DNAH14: variants seen among roughly 807,000 people sequenced by gnomAD.
DNAH14 encodes the protein dynein axonemal heavy chain 14, also known as axonemal beta dynein heavy chain 14.
Under a neutral mutation model 520.9 loss-of-function variants are expected in DNAH14, and 478 were observed. That is an observed-to-expected ratio of 0.92 (90% confidence interval 0.85 to 0.99). The LOEUF (loss-of-function observed/expected upper bound fraction) is 0.99. DNAH14 is among the 50% of genes least tolerant of loss of function. The pLI, the probability that DNAH14 is intolerant of heterozygous loss-of-function variation, is 0.00. For missense variants in DNAH14, 4,831 were observed against 5,234.5 expected, an observed-to-expected ratio of 0.92 and a Z score of 2.38; for synonymous variants, 1,581 against 1,757.2, an observed-to-expected ratio of 0.90 and a Z score of 2.51.
intron 38 of DNAH14, among the ~76,000 whole-genome samples, chr1:225,194,453 A>C (rs1217334468): frequency 4.0e-5 from 6 of 151,682 alleles, no homozygotes; most frequent in African/African-American, 9.8e-5. Context: ...TGTTCAATAC[A>C]TGATGTTGGG....
At chr1:225,176,891 A>T (rs2083396373) in intron 36 of DNAH14, among the ~76,000 whole-genome samples, 1 of 152,172 alleles carries the variant, frequency 6.6e-6, no homozygotes, top group Non-Finnish European at 1.5e-5. Flanking sequence ...AAAACAGACA[A>T]ATGCAGTAAA....
rs918977778 is a variant in DNAH14 at position 225,392,469 on chromosome 1, G to A, written c.13491+18G>A. 3 of 1,550,694 alleles carry A rather than the reference G, an allele frequency of 1.9e-6. No homozygotes were observed. The African/African-American group carries it at 4.1e-5, about 21-fold the overall frequency. On this transcript the variant is annotated intron_variant, in intron 84 of 85. Coordinates refer to ENST00000682510, the MANE Select transcript of DNAH14 (RefSeq NM_001367479.1). ...CGTTTAAGGTACTGGAATACTTCAA[G>A]GATTAGAAACGGTGATCATTCATTC...
chr1:225,131,205 C>CTG (rs1464755255), intron 27 of DNAH14, among the ~76,000 whole-genome samples: 1 of 152,106 alleles, frequency 6.6e-6, no homozygotes, highest in Non-Finnish European at 1.5e-5. Flanking sequence ...TAGTTTTCTA[C>CTG]TGCTGTTATT....
At chr1:224,982,078 C>G (rs2062312904) in intron 8 of DNAH14, among the ~76,000 whole-genome samples, 1 of 152,146 alleles carries the variant, frequency 6.6e-6, no homozygotes, top group African/African-American at 2.4e-5. Flanking sequence ...ACAAATGGCC[C>G]TCTCAGGGGG....
intron 36 of DNAH14, among the ~76,000 whole-genome samples, chr1:225,178,423 C>T (rs1006193814): frequency 2.0e-5 from 3 of 152,134 alleles, no homozygotes; most frequent in African/African-American, 7.2e-5. Context: ...ACTTAATTCA[C>T]TATCACAGGA....
intron 8 of DNAH14, among the ~76,000 whole-genome samples, chr1:224,975,234 G>C (rs1208154368): frequency 4.6e-5 from 7 of 152,168 alleles, no homozygotes; most frequent in African/African-American, 9.7e-5. Context: ...GATGTTGCTG[G>C]CCTCATAAAA....
At chr1:224,939,252 A>C (rs1424050580) in intron 1 of DNAH14, among the ~76,000 whole-genome samples, 2 of 152,236 alleles carry the variant, frequency 1.3e-5, no homozygotes, top group Non-Finnish European at 2.9e-5. Context: ...AAACCAGTTA[A>C]ACAATACACT....
chr1:225,015,694 G>A (rs1341556993), intron 10 of DNAH14, among the ~76,000 whole-genome samples: 1 of 152,180 alleles, frequency 6.6e-6, no homozygotes, highest in African/African-American at 2.4e-5. Context: ...GTTATAGTAA[G>A]CAAATGATAT....
Position 225,272,941 on chromosome 1 carries a change from T to A in DNAH14, c.7840-14T>A, listed in dbSNP as rs906182620. On this transcript the variant is annotated splice_polypyrimidine_tract_variant and intron_variant, in intron 51 of 85. Coordinates refer to ENST00000682510, the MANE Select transcript of DNAH14 (RefSeq NM_001367479.1). ...ATTTTTTTTAAAAAAACGTTATTTT[T>A]AAATCCCTAACAGCTTCTCCTAGGA... The A allele has an allele frequency of 5.3e-6, 8 of 1,506,196 alleles. No homozygotes were observed. Among genetic ancestry groups the A allele is most frequent in the Non-Finnish European group, 7.1e-6 (8 of 1,132,404 alleles). The allele number at this position is 1,506,196 out of a possible 1,614,324, so 93.3% of individuals were successfully genotyped here.
intron 1 of DNAH14, among the ~76,000 whole-genome samples, chr1:224,941,971 G>A (rs952145226): frequency 3.9e-4 from 59 of 152,286 alleles, no homozygotes; most frequent in African/African-American, 1.4e-3. Flanking sequence ...CTTTGGCTTA[G>A]CATTGACTTA....
At chr1:225,228,159 A>G (rs1312634683) in intron 41 of DNAH14, among the ~76,000 whole-genome samples, 2 of 152,200 alleles carry the variant, frequency 1.3e-5, no homozygotes, top group African/African-American at 2.4e-5. Context: ...TCTCAGCCAT[A>G]GTCATCTTGG....
chr1:224,992,817 A>G (rs138507941), intron 8 of DNAH14, among the ~76,000 whole-genome samples: 251 of 152,126 alleles, frequency 1.6e-3, no homozygotes, highest in Non-Finnish European at 2.6e-3. Context: ...ATGCTTACCA[A>G]CAAGCATAGT....
chr1:225,341,735 T>C (rs957350272), intron 69 of DNAH14, among the ~76,000 whole-genome samples: 1 of 152,168 alleles, frequency 6.6e-6, no homozygotes, highest in African/African-American at 2.4e-5. Context: ...GCACAAAAAA[T>C]ATCTAAGAAA....
Position 225,097,839 on chromosome 1 carries a change from T to G in DNAH14, c.3695+600T>G, listed in dbSNP as rs112930701. Among the ~76,000 whole-genome samples, 585 of 152,250 alleles carry G rather than the reference T, an allele frequency of 3.8e-3. 4 individuals carry two copies. The highest frequency in any genetic ancestry group is 0.013 in the African/African-American group (553 of 41,538). On this transcript the variant is annotated intron_variant, in intron 22 of 85. Transcript: ENST00000682510. ...CTACAATATTATGTGTTTCTTTCGT[T>G]CTGGAATATTAGTGTGGTTTTGATG...
At chr1:225,357,804 T>C in intron 73 of DNAH14, 1 of 702,238 alleles carries the variant, frequency 1.4e-6, no homozygotes, top group South Asian at 1.5e-5. Context: ...TTGCTTTAAA[T>C]GATGGAGTCC....
At chr1:225,262,918 G>T (rs2092984667) in intron 46 of DNAH14, among the ~76,000 whole-genome samples, 2 of 151,646 alleles carry the variant, frequency 1.3e-5, no homozygotes, top group African/African-American at 4.8e-5. Context: ...TAAATCTGTA[G>T]ATTGCTTGGG....
intron 27 of DNAH14, among the ~76,000 whole-genome samples, chr1:225,133,394 A>G (rs1387425262): frequency 1.3e-5 from 2 of 151,986 alleles, no homozygotes; most frequent in African/African-American, 4.8e-5. Context: ...ATCTTGAGTT[A>G]ATTTTCGTAT....
chr1:225,041,436 CTTG>C (rs530971397), intron 12 of DNAH14, among the ~76,000 whole-genome samples: 172 of 152,262 alleles, frequency 1.1e-3, no homozygotes, highest in African/African-American at 4.0e-3. Flanking sequence ...CTGGTTCATT[CTTG>C]TTGTCACAAA....
intron 11 of DNAH14, among the ~76,000 whole-genome samples, chr1:225,026,658 A>G (rs2066142650): frequency 1.3e-5 from 2 of 152,102 alleles, no homozygotes; most frequent in East Asian, 3.8e-4. Flanking sequence ...CTTGATTACT[A>G]TAGCTTTGTA....
Sources: allele counts gnomAD v4.1 joint callset (sites outside exome capture counted in the v4.1 genomes callset), GRCh38; gene constraint gnomAD v4.1.1; transcripts MANE v1.5; gene names NCBI Gene and HGNC (gene_info 2026-07-23, HGNC 2026-07-21).